The following NRXN3 variants were observed in gnomAD, a reference collection of about 807,000 sequenced individuals.
NRXN3 encodes neurexin 3.
In NRXN3, 32 loss-of-function variants were observed where a neutral mutation model predicts 137.6. That is an observed-to-expected ratio of 0.23 (90% CI 0.18 to 0.31). The LOEUF is 0.31. Among genes scored for constraint, NRXN3 ranks in the 10% least tolerant of loss-of-function variants. The pLI is 1.00. For missense variants in NRXN3, 1,574 were observed against 2,062.5 expected (o/e 0.76, Z 4.59); for synonymous variants, 798 against 784.5 (o/e 1.02, Z -0.29).
intron 15 of NRXN3, among the ~76,000 whole-genome samples, chr14:79,290,898 A>AG (rs138559890): frequency 0.014 from 2,081 of 152,290 alleles, 35 homozygotes; most frequent in South Asian, 0.081. Flanking sequence ...ACTGGATCAC[A>AG]ATAAAGCAAA....
chr14:79,282,390 G>C (rs1279760786), intron 15 of NRXN3, among the ~76,000 whole-genome samples: 2 of 152,060 alleles, frequency 1.3e-5, no homozygotes, highest in African/African-American at 4.8e-5. Flanking sequence ...TGGGTGGCAG[G>C]GTCTTGATAT....
intron 15 of NRXN3, among the ~76,000 whole-genome samples, chr14:79,213,277 G>T (rs2067974084): frequency 1.3e-5 from 2 of 151,940 alleles, no homozygotes; most frequent in Admixed American, 1.3e-4. Context: ...TGTGTAAGTG[G>T]GCCTTATTAA....
At chr14:79,453,135 A>G (rs958451657) in intron 15 of NRXN3, among the ~76,000 whole-genome samples, 6 of 152,100 alleles carry the variant, frequency 3.9e-5, no homozygotes, top group Non-Finnish European at 7.4e-5. Flanking sequence ...ATTCAAAAGA[A>G]TAAAAATATC....
At chr14:78,357,251 CAG>C (rs1247564743) in intron 4 of NRXN3, among the ~76,000 whole-genome samples, 3 of 152,142 alleles carry the variant, frequency 2.0e-5, no homozygotes, top group Non-Finnish European at 4.4e-5. Flanking sequence ...TGGCAGCAGG[CAG>C]AGAGAGAGAA....
chr14:78,743,122 A>G (rs2098588289), intron 8 of NRXN3, among the ~76,000 whole-genome samples: 1 of 152,230 alleles, frequency 6.6e-6, no homozygotes. Context: ...AGATTTGACT[A>G]TAAATCCTAG....
intron 2 of NRXN3, among the ~76,000 whole-genome samples, chr14:78,276,543 A>G (rs1282581521): frequency 6.6e-6 from 1 of 152,216 alleles, no homozygotes; most frequent in African/African-American, 2.4e-5. Flanking sequence ...AATCTCATTT[A>G]ATTCTCATAA....
intron 3 of NRXN3, among the ~76,000 whole-genome samples, chr14:78,295,311 G>A (rs1596971169): frequency 1.3e-5 from 2 of 152,256 alleles, no homozygotes; most frequent in East Asian, 3.9e-4. Flanking sequence ...TCAGGATCGT[G>A]TATCTCGTTT....
intron 15 of NRXN3, among the ~76,000 whole-genome samples, chr14:79,151,720 T>G (rs1335270019): frequency 6.6e-6 from 1 of 151,946 alleles, no homozygotes; most frequent in Non-Finnish European, 1.5e-5. Context: ...TTTGTCCACT[T>G]TTGGGGTAGA....
intron 15 of NRXN3, among the ~76,000 whole-genome samples, chr14:79,146,852 G>A (rs1218659764): frequency 6.6e-6 from 1 of 152,136 alleles, no homozygotes; most frequent in Non-Finnish European, 1.5e-5. Context: ...GAACTCTGGG[G>A]GAGGTTCCTC....
At chr14:79,498,291 C>T (rs1472255492) in intron 16 of NRXN3, among the ~76,000 whole-genome samples, 2 of 152,116 alleles carry the variant, frequency 1.3e-5, no homozygotes, top group African/African-American at 4.8e-5. Flanking sequence ...GGTTTTTATA[C>T]ATGGTAGATG....
chr14:78,284,629 G>A (rs918439188), intron 3 of NRXN3, among the ~76,000 whole-genome samples: 12 of 151,934 alleles, frequency 7.9e-5, no homozygotes, highest in Admixed American at 2.6e-4. Context: ...TTTTAAAAAC[G>A]GAAAATCAAC....
At chr14:78,952,370 A>G (rs141375011) in intron 10 of NRXN3, among the ~76,000 whole-genome samples, 2 of 152,342 alleles carry the variant, frequency 1.3e-5, no homozygotes, top group African/African-American at 4.8e-5. Context: ...TTGTGGACAG[A>G]ACATAAAACG....
chr14:79,795,596 C>T (rs1299002609), intron 19 of NRXN3, among the ~76,000 whole-genome samples: 1 of 152,328 alleles, frequency 6.6e-6, no homozygotes, highest in African/African-American at 2.4e-5. Context: ...CCACAGATCA[C>T]TTGTAACTCC....
At chr14:79,726,748 A>C (rs1201194681) in intron 19 of NRXN3, among the ~76,000 whole-genome samples, 1 of 152,190 alleles carries the variant, frequency 6.6e-6, no homozygotes, top group Non-Finnish European at 1.5e-5. Context: ...AAGCCTTTTA[A>C]TTCCTTGCTG....
intron 16 of NRXN3, among the ~76,000 whole-genome samples, chr14:79,580,178 C>T (rs1055659180): frequency 1.3e-5 from 2 of 152,032 alleles, no homozygotes; most frequent in African/African-American, 2.4e-5. Context: ...TTTCCTTATC[C>T]TTGCATCTAT....
At chr14:78,675,440 G>A (rs1261371758) in intron 6 of NRXN3, among the ~76,000 whole-genome samples, 1 of 152,194 alleles carries the variant, frequency 6.6e-6, no homozygotes, top group Non-Finnish European at 1.5e-5. Context: ...GGATCCAGGA[G>A]AGTAACTGGT....
intron 15 of NRXN3, among the ~76,000 whole-genome samples, chr14:78,996,381 G>A (rs2153093822): frequency 6.6e-6 from 1 of 152,294 alleles, no homozygotes; most frequent in South Asian, 2.1e-4. Context: ...CAAAGATTCA[G>A]AGTTATGTTA....
chr14:79,827,243 G>A (rs2099307031), intron 20 of NRXN3, among the ~76,000 whole-genome samples: 1 of 152,158 alleles, frequency 6.6e-6, no homozygotes, highest in South Asian at 2.1e-4. Context: ...AGGTAACAAG[G>A]CAGGGGTGGG....
At chr14:78,532,180 G>A (rs114303458) in intron 4 of NRXN3, among the ~76,000 whole-genome samples, 3,289 of 150,014 alleles carry the variant, frequency 0.022, 110 homozygotes, top group African/African-American at 0.069. Flanking sequence ...CCAAGTGCGC[G>A]CGTGGTGGCA....
Sources: allele counts gnomAD v4.1 joint callset (sites outside exome capture counted in the v4.1 genomes callset), GRCh38; gene constraint gnomAD v4.1.1; transcripts MANE v1.5; gene names NCBI Gene and HGNC (gene_info 2026-07-23, HGNC 2026-07-21).